Variants in ZNF516 observed in about 807,000 individuals in gnomAD.
ZNF516 encodes the protein zinc finger protein 516.
ZNF516 carries 19 observed loss-of-function variants against 79.7 expected under a neutral mutation model. The ratio of observed to expected loss-of-function variants is 0.24; its 90% CI spans 0.17 to 0.35. The LOEUF is 0.35. Ranked by LOEUF, ZNF516 falls within the 10% of genes least tolerant of loss-of-function variation. ZNF516 has a pLI of 1.00. For synonymous variants in ZNF516, 877 were observed against 739.5 expected (o/e 1.19, Z -3.02); for missense variants, 1,678 against 1,679.5 (o/e 1.00, Z 0.02).
chr18:76,440,787 G>A (rs973087009), intron 3 of ZNF516, among the ~76,000 whole-genome samples: 2 of 148,274 alleles, frequency 1.3e-5, no homozygotes, highest in Non-Finnish European at 1.5e-5. Context: ...TGCATCGTAT[G>A]GTGAGAACTG....
chr18:76,362,938 G>GTA (rs1050993300), intron 6 of ZNF516, among the ~76,000 whole-genome samples: 1 of 152,216 alleles, frequency 6.6e-6, no homozygotes, highest in Admixed American at 6.5e-5. Context: ...TTGTAAAACT[G>GTA]TATAGTACAA....
At position 76,440,714 on chromosome 18, in the gene ZNF516, G is replaced by C. The variant is rs9962551; in HGVS notation, c.1810+531C>G. On this transcript the variant is annotated intron_variant, in intron 3 of 6. Transcript: ENST00000443185. The stretch of plus-strand genomic sequence containing the variant: ...TTGAAGATAGTCTTCTACCCAGCTG[G>C]AGTGGAGGAAAGTGTGTGTGTGTGT... 6.6e-3 allele frequency among the ~76,000 whole-genome samples: 981 copies of C among 149,382 alleles called. 12 individuals are homozygous for C. Among genetic ancestry groups the C allele is most frequent in the African/African-American group, 0.023 (926 of 40,662 alleles).
intron 2 of ZNF516, among the ~76,000 whole-genome samples, chr18:76,458,430 C>T (rs1294511673): frequency 6.6e-6 from 1 of 152,190 alleles, no homozygotes; most frequent in Non-Finnish European, 1.5e-5. Flanking sequence ...TTCCTATTTT[C>T]AAATACTCTT....
chr18:76,473,630 T>C (rs570653685), intron 1 of ZNF516, among the ~76,000 whole-genome samples: 11 of 151,948 alleles, frequency 7.2e-5, no homozygotes, highest in South Asian at 4.2e-4. Flanking sequence ...TGAAACCCTG[T>C]CTCTACTAAA....
chr18:76,377,569 C>T (rs910417759), intron 4 of ZNF516, among the ~76,000 whole-genome samples: 3 of 152,222 alleles, frequency 2.0e-5, no homozygotes, highest in South Asian at 2.1e-4. Context: ...CACTGTCCCA[C>T]GGTGGATCTG....
intron 3 of ZNF516, chr18:76,386,710 C>T (rs2074997883): frequency 1.3e-5 from 2 of 152,114 alleles, no homozygotes; most frequent in South Asian, 2.1e-4. Context: ...ACTTTTATCT[C>T]GTTCTACATT....
intron 3 of ZNF516, among the ~76,000 whole-genome samples, chr18:76,414,010 A>T (rs1448292064): frequency 6.6e-6 from 1 of 152,242 alleles, no homozygotes; most frequent in Non-Finnish European, 1.5e-5. Flanking sequence ...ATTGGAACAA[A>T]AAGTTTTATT....
intron 1 of ZNF516, chr18:76,488,199 G>A: frequency 2.0e-6 from 2 of 985,376 alleles, no homozygotes; most frequent in Non-Finnish European, 2.4e-6. Flanking sequence ...AACTCTAAAT[G>A]AGATGCAGCT....
At chr18:76,445,526 T>C (rs1399035295) in intron 2 of ZNF516, among the ~76,000 whole-genome samples, 1 of 152,144 alleles carries the variant, frequency 6.6e-6, no homozygotes, top group Non-Finnish European at 1.5e-5. Flanking sequence ...AAACACACTA[T>C]TTATATCTAA....
chr18:76,392,602 A>T (rs2075092510), intron 3 of ZNF516, among the ~76,000 whole-genome samples: 1 of 126,226 alleles, frequency 7.9e-6, no homozygotes, highest in African/African-American at 3.2e-5. Context: ...GGGTGGGGGA[A>T]GGGCAGGTGG....
intron 3 of ZNF516, among the ~76,000 whole-genome samples, chr18:76,425,949 G>A (rs931859214): frequency 6.6e-6 from 1 of 152,212 alleles, no homozygotes; most frequent in Non-Finnish European, 1.5e-5. Flanking sequence ...GCTGCTCTTC[G>A]CGGCACAGGG....
In ZNF516 at chr18:76,360,644, AAAAT is replaced by A. The variant is rs1433892632; in HGVS notation, c.*1850_*1853del. On this transcript the variant is annotated 3_prime_UTR_variant, in exon 7 of 7. Coordinates refer to ENST00000443185, the MANE Select transcript of ZNF516 (RefSeq NM_014643.4). ...AGAAAAAAATAAGTAAAAAAAAAAA[AAAAT>A]ATATATATATATATATATATATATA... The A allele has an allele frequency of 1.4e-3, 141 of 101,628 alleles. 1 individual carries two copies. Among genetic ancestry groups the A allele is most frequent in the Middle Eastern group, 5.2e-3 (1 of 192 alleles). 6.3% of individuals were successfully genotyped at this position (101,628 alleles called of 1,614,324 possible). A position where few individuals can be genotyped will look rare whatever the true frequency, so the allele number is the denominator to read the frequency against.
rs530712425 is a variant in ZNF516, at chr18:76,460,518, A to AC, written c.-158+2509dup. Among the ~76,000 whole-genome samples, 29 of 152,146 alleles carry AC rather than the reference A, an allele frequency of 1.9e-4. No individual in the cohort carries two copies. The East Asian group carries it at 5.4e-3, about 28-fold the overall frequency. On this transcript the variant is annotated intron_variant, in intron 2 of 6. Coordinates refer to ENST00000443185, the MANE Select transcript of ZNF516 (RefSeq NM_014643.4). ...TGGCCATCACCTATGAACCTCTAAG[A>AC]CCCCAAATCAACACAAAGCAAGAGG...
Position 76,442,486 on chromosome 18 carries a change from T to G in ZNF516, c.569A>C (p.Glu190Ala). 1 of 1,603,340 alleles carries G rather than the reference T, an allele frequency of 6.2e-7. No individual in the cohort carries two copies. The highest frequency in any genetic ancestry group is 8.5e-7 in the Non-Finnish European group (1 of 1,179,630). The change falls in exon 3 of 7, where the codon GAG becomes GCG. Residue 190 changes from glutamate (E) to alanine (A), a missense_variant. Glu to Ala is a moderately radical substitution (Grantham distance 107). Transcript: ENST00000443185. ...KSQFERKKDL[E>A]LHVHQAHKPF... is the part of the protein sequence containing the mutation. ...CTTGTGCGCCTGGTGCACGTGCAGC[T>G]CCAGGTCCTTCTTACGCTCGAACTG... is the stretch of plus-strand genomic sequence containing the variant.
rs954538707 is a variant in ZNF516, at chr18:76,450,072, C to A, written c.-157-6861G>T. Among the ~76,000 whole-genome samples the A allele has an allele frequency of 9.4e-5, 14 of 148,862 alleles. No homozygotes were observed. The East Asian group carries it at 2.8e-3, about 30-fold the overall frequency. On this transcript the variant is annotated intron_variant, in intron 2 of 6. Transcript: ENST00000443185. ...TAAGCTGGTAATATAGGAGAGTGGTCTTATTCTTTGGAGATGTGTAATGAA... is the reference window on the plus strand; with the variant it reads ...TAAGCTGGTAATATAGGAGAGTGGTATTATTCTTTGGAGATGTGTAATGAA...
chr18:76,389,603 G>C (rs78201559), intron 3 of ZNF516, among the ~76,000 whole-genome samples: 2,470 of 152,240 alleles, frequency 0.016, 77 homozygotes, highest in African/African-American at 0.055. Context: ...TTGCTAACTA[G>C]ACAGGAGTAA....
chr18:76,375,121 G>C (rs1404555219), intron 4 of ZNF516, among the ~76,000 whole-genome samples: 1 of 152,208 alleles, frequency 6.6e-6, no homozygotes, highest in Admixed American at 6.5e-5. Flanking sequence ...TCGAGTCTCT[G>C]TAACAGGAAA....
chr18:76,471,196 G>A (rs1018681026), intron 1 of ZNF516, among the ~76,000 whole-genome samples: 1 of 151,646 alleles, frequency 6.6e-6, no homozygotes, highest in Non-Finnish European at 1.5e-5. Context: ...TGCATATCTG[G>A]CATATCCGTT....
chr18:76,391,567 G>A (rs149615804), intron 3 of ZNF516, among the ~76,000 whole-genome samples: 6 of 152,014 alleles, frequency 3.9e-5, no homozygotes, highest in Non-Finnish European at 5.9e-5. Context: ...TCCCTCTGTC[G>A]CTGTGGACTT....
Sources: allele counts gnomAD v4.1 joint callset (sites outside exome capture counted in the v4.1 genomes callset), GRCh38; gene constraint gnomAD v4.1.1; transcripts MANE v1.5; gene names NCBI Gene and HGNC (gene_info 2026-07-23, HGNC 2026-07-21).